Variants in PLCXD3 observed in about 807,000 individuals in gnomAD.
PLCXD3 encodes the protein PI-PLC X domain-containing protein 3.
PLCXD3 carries 19 observed loss-of-function variants against 25.5 expected under a neutral mutation model. That is an observed-to-expected ratio of 0.75 (90% CI 0.52 to 1.09). PLCXD3 has a LOEUF of 1.09. Ranked by LOEUF, PLCXD3 falls within the 50% of genes least tolerant of loss-of-function variation. PLCXD3 has a pLI of 0.00. For missense variants in PLCXD3, 411 were observed against 388.1 expected (o/e 1.06, Z -0.50); for synonymous variants, 174 against 137.6 (o/e 1.26, Z -1.85).
chr5:41,382,877 A>G (rs1024580409), intron 1 of PLCXD3, among the ~76,000 whole-genome samples: 8 of 152,130 alleles, frequency 5.3e-5, no homozygotes, highest in African/African-American at 1.9e-4. Context: ...ATAAAGCGAT[A>G]TCTATGAAGA....
intron 1 of PLCXD3, among the ~76,000 whole-genome samples, chr5:41,431,388 T>A (rs1375953769): frequency 2.0e-5 from 3 of 152,232 alleles, no homozygotes; most frequent in Non-Finnish European, 4.4e-5. Context: ...ATTTTTGATA[T>A]TTTGACTTAC....
intron 2 of PLCXD3, among the ~76,000 whole-genome samples, chr5:41,356,141 C>T (rs1298706503): frequency 6.6e-6 from 1 of 152,092 alleles, no homozygotes; most frequent in African/African-American, 2.4e-5. Context: ...TGGCAGGCGC[C>T]TGTACTCCCA....
chr5:41,432,638 C>G (rs1392687627), intron 1 of PLCXD3, among the ~76,000 whole-genome samples: 2 of 152,142 alleles, frequency 1.3e-5, no homozygotes, highest in Non-Finnish European at 2.9e-5. Flanking sequence ...AGGAAGGGCA[C>G]CATGTTGTAA....
chr5:41,481,102 T>TAAAAAAAA (rs554092157), intron 1 of PLCXD3, among the ~76,000 whole-genome samples: 11 of 72,892 alleles, frequency 1.5e-4, no homozygotes, highest in East Asian at 4.4e-4. Context: ...ACCTAATTTG[T>TAAAAAAAA]AAAAAAAAAA....
intron 2 of PLCXD3, among the ~76,000 whole-genome samples, chr5:41,353,130 T>A (rs551511848): frequency 1.3e-5 from 2 of 151,092 alleles, no homozygotes; most frequent in Non-Finnish European, 1.5e-5. Flanking sequence ...TCTCGCTCTG[T>A]TGCCCAGGCT....
intron 1 of PLCXD3, among the ~76,000 whole-genome samples, chr5:41,425,993 A>G (rs1160020408): frequency 6.6e-6 from 1 of 152,200 alleles, no homozygotes; most frequent in Non-Finnish European, 1.5e-5. Context: ...GCTGGATTGT[A>G]TGATAAGAGT....
intron 2 of PLCXD3, among the ~76,000 whole-genome samples, chr5:41,331,200 T>C (rs1422726421): frequency 6.6e-6 from 1 of 152,116 alleles, no homozygotes; most frequent in African/African-American, 2.4e-5. Context: ...GAAAACCCCA[T>C]TGTCTCAGCC....
At chr5:41,345,736 C>T (rs564468076) in intron 2 of PLCXD3, among the ~76,000 whole-genome samples, 1 of 151,284 alleles carries the variant, frequency 6.6e-6, no homozygotes, top group East Asian at 2.0e-4. Flanking sequence ...GTCACTAAAG[C>T]CTCTAACTTT....
rs1247413819 is a variant in PLCXD3, at chr5:41,491,901, G to T, written c.103+18523C>A. On this transcript the variant is annotated intron_variant, in intron 1 of 2. Transcript: ENST00000377801. Reference sequence around the variant, plus strand: ...GACTCTTTATCGCATTTGCCAGTCTGTGTCTTTTAATTGGAGTATTTAGTC... The same window carrying T: ...GACTCTTTATCGCATTTGCCAGTCTTTGTCTTTTAATTGGAGTATTTAGTC... 2.0e-5 allele frequency among the ~76,000 whole-genome samples: 3 copies of T among 152,258 alleles called. No homozygotes were observed. The East Asian group carries it at 5.8e-4, about 29-fold the overall frequency.
At chr5:41,510,034 T>C (rs1382459917) in intron 1 of PLCXD3, among the ~76,000 whole-genome samples, 2 of 152,166 alleles carry the variant, frequency 1.3e-5, no homozygotes, top group African/African-American at 4.8e-5. Context: ...CCCCTGACAC[T>C]AGCTCGCGTT....
intron 1 of PLCXD3, among the ~76,000 whole-genome samples, chr5:41,503,764 G>A (rs1239766022): frequency 6.6e-6 from 1 of 152,118 alleles, no homozygotes; most frequent in Non-Finnish European, 1.5e-5. Context: ...ATACAAACCA[G>A]AAGACATGAG....
chr5:41,471,643 C>G (rs1046068789), intron 1 of PLCXD3, among the ~76,000 whole-genome samples: 7 of 152,192 alleles, frequency 4.6e-5, no homozygotes, highest in African/African-American at 1.7e-4. Context: ...AGGTACAAAA[C>G]TCACTGTAAT....
intron 1 of PLCXD3, among the ~76,000 whole-genome samples, chr5:41,420,069 A>G (rs887971311): frequency 2.0e-5 from 3 of 152,112 alleles, no homozygotes; most frequent in African/African-American, 7.2e-5. Context: ...TGTTGCTATA[A>G]TATGCTTCCA....
chr5:41,328,435 G>C (rs998750988), intron 2 of PLCXD3, among the ~76,000 whole-genome samples: 15 of 152,160 alleles, frequency 9.9e-5, no homozygotes, highest in African/African-American at 3.6e-4. Context: ...ATAACGTCCT[G>C]GTGCTGTCAT....
intron 1 of PLCXD3, among the ~76,000 whole-genome samples, chr5:41,389,645 TA>T (rs1745747101): frequency 6.6e-6 from 1 of 152,124 alleles, no homozygotes; most frequent in Non-Finnish European, 1.5e-5. Context: ...TTGATGTTGG[TA>T]ACAGTGACCA....
At chr5:41,491,099 G>A (rs1748657908) in intron 1 of PLCXD3, among the ~76,000 whole-genome samples, 1 of 152,174 alleles carries the variant, frequency 6.6e-6, no homozygotes, top group Non-Finnish European at 1.5e-5. Context: ...TCTACACACT[G>A]CTTTGAATGT....
At chr5:41,386,468 C>G (rs892852495) in intron 1 of PLCXD3, among the ~76,000 whole-genome samples, 1 of 152,032 alleles carries the variant, frequency 6.6e-6, no homozygotes, top group Non-Finnish European at 1.5e-5. Flanking sequence ...AAGATTGCCC[C>G]CAAAACATCC....
chr5:41,415,119 C>A (rs572618206), intron 1 of PLCXD3, among the ~76,000 whole-genome samples: 2 of 152,198 alleles, frequency 1.3e-5, no homozygotes, highest in East Asian at 1.9e-4. Context: ...TGGAATGTAT[C>A]CCCTATGGAA....
intron 2 of PLCXD3, among the ~76,000 whole-genome samples, chr5:41,344,961 G>A (rs1418271946): frequency 6.6e-6 from 1 of 152,106 alleles, no homozygotes; most frequent in Non-Finnish European, 1.5e-5. Flanking sequence ...AGAGGTAGGT[G>A]GGTGTGTGCA....
Sources: gnomAD v4.1 joint callset for allele counts (sites outside exome capture counted in the v4.1 genomes callset) on GRCh38, gnomAD v4.1.1 for gene constraint, MANE v1.5 for transcripts, NCBI Gene and HGNC (gene_info 2026-07-23, HGNC 2026-07-21) for gene names.